The following AK5 variants were observed in gnomAD, a reference collection of about 807,000 sequenced individuals.
AK5 encodes adenylate kinase 5.
AK5 carries 27 observed loss-of-function variants against 69.5 expected under a neutral mutation model. That is an observed-to-expected ratio of 0.39 (90% confidence interval 0.29 to 0.54). The LOEUF (loss-of-function observed/expected upper bound fraction) is 0.54. AK5 is among the 20% of genes least tolerant of loss of function. The probability of loss-of-function intolerance (pLI) is 0.71; values close to 1 mark genes in which losing one functional copy is unlikely to be tolerated. For synonymous variants in AK5, 260 were observed against 244.4 expected (o/e 1.06, Z -0.60); for missense variants, 531 against 700.4 (o/e 0.76, Z 2.73).
chr1:77,550,950 G>A (rs940855276), intron 13 of AK5, among the ~76,000 whole-genome samples: 1 of 152,178 alleles, frequency 6.6e-6, no homozygotes, highest in African/African-American at 2.4e-5. Context: ...GCCAAGGCAG[G>A]CAGATCACCT....
chr1:77,469,967 T>C (rs867183018), intron 8 of AK5, among the ~76,000 whole-genome samples: 1 of 152,234 alleles, frequency 6.6e-6, no homozygotes, highest in African/African-American at 2.4e-5. Flanking sequence ...ACAGTTGTCA[T>C]TGATCTGCCA....
At chr1:77,370,783 G>A (rs1464484992) in intron 6 of AK5, among the ~76,000 whole-genome samples, 1 of 152,156 alleles carries the variant, frequency 6.6e-6, no homozygotes, top group East Asian at 1.9e-4. Flanking sequence ...AACCTGCCAA[G>A]CAGTGCCAGG....
intron 6 of AK5, among the ~76,000 whole-genome samples, chr1:77,351,214 C>T (rs373493099): frequency 3.3e-5 from 5 of 151,982 alleles, no homozygotes; most frequent in African/African-American, 7.2e-5. Flanking sequence ...GGCAACATGG[C>T]GAAACCCCAT....
At chr1:77,321,678 CCCT>C (rs912072503) in intron 5 of AK5, among the ~76,000 whole-genome samples, 9 of 152,070 alleles carry the variant, frequency 5.9e-5, no homozygotes, top group Non-Finnish European at 1.3e-4. Context: ...GAGTGCTGCC[CCCT>C]AATATTGGGA....
chr1:77,543,536 T>TTTTC (rs10673675), intron 13 of AK5, among the ~76,000 whole-genome samples: 1 of 151,276 alleles, frequency 6.6e-6, no homozygotes, highest in Non-Finnish European at 1.5e-5. Flanking sequence ...TATTTTTTTT[T>TTTTC]TATTGTTTGT....
At chr1:77,479,507 G>A (rs1232391282) in intron 8 of AK5, among the ~76,000 whole-genome samples, 1 of 152,056 alleles carries the variant, frequency 6.6e-6, no homozygotes, top group Non-Finnish European at 1.5e-5. Context: ...TACCCGGCCT[G>A]AAATTGTCTT....
At chr1:77,489,332 G>A (rs2100733776) in intron 10 of AK5, among the ~76,000 whole-genome samples, 1 of 152,142 alleles carries the variant, frequency 6.6e-6, no homozygotes, top group South Asian at 2.1e-4. Context: ...TAGTAAAAGA[G>A]ATTTCAGCTT....
chr1:77,507,852 A>G lies in AK5; in HGVS notation c.1148-10712A>G, dbSNP rs533891948. ...GCTAACCATCAGAATCACCTGGGGA[A>G]TTATCCTTTTTTATTATGAAAATAT... On this transcript the variant is annotated intron_variant, in intron 10 of 13. Coordinates refer to ENST00000354567, the MANE Select transcript of AK5 (RefSeq NM_174858.3). Among the ~76,000 whole-genome samples, 3 of 152,310 alleles carry G rather than the reference A, an allele frequency of 2.0e-5. No homozygotes were observed. In the South Asian group the frequency reaches 6.2e-4, roughly 32 times the overall value.
At chr1:77,486,806 G>A (rs953851149) in intron 10 of AK5, among the ~76,000 whole-genome samples, 11 of 152,110 alleles carry the variant, frequency 7.2e-5, no homozygotes, top group East Asian at 1.9e-4. Flanking sequence ...TTTCTTTCAC[G>A]TATGCAGTTG....
chr1:77,340,704 G>A (rs542211096), intron 6 of AK5, 136 bp downstream of exon 6: 4 of 578,056 alleles, frequency 6.9e-6, no homozygotes, highest in African/African-American at 5.7e-5. Flanking sequence ...GGAAAAAAAT[G>A]TATCATTTTG....
rs1186363347 is a variant in AK5 at position 77,518,755 on chromosome 1, C to T, written c.1311+28C>T. 3.1e-6 allele frequency: 5 copies of T among 1,608,646 alleles called. No homozygotes were observed. In the African/African-American group the frequency reaches 5.4e-5, roughly 17 times the overall value. On this transcript the variant is annotated intron_variant, in intron 11 of 13. Transcript: ENST00000354567. ...AAGCAACATGGCCTGACCCACATTA[C>T]TGCCTTTCCTGTCTGGGGAGACCTT...
At chr1:77,308,144 A>G (rs185145451) in intron 5 of AK5, among the ~76,000 whole-genome samples, 4 of 152,280 alleles carry the variant, frequency 2.6e-5, no homozygotes, top group African/African-American at 4.8e-5. Context: ...CAGAGCTGTT[A>G]TCATGGAAGA....
chr1:77,320,367 C>G (rs1660466279), intron 5 of AK5, among the ~76,000 whole-genome samples: 1 of 152,246 alleles, frequency 6.6e-6, no homozygotes, highest in East Asian at 1.9e-4. Context: ...ATGGGATTTT[C>G]ATTATGTGGG....
chr1:77,299,778 T>A (rs1314261064), intron 5 of AK5, among the ~76,000 whole-genome samples: 1 of 152,142 alleles, frequency 6.6e-6, no homozygotes, highest in Non-Finnish European at 1.5e-5. Context: ...CACCCAAACC[T>A]GGTTCTCCCA....
intron 7 of AK5, among the ~76,000 whole-genome samples, chr1:77,411,905 G>A (rs957569457): frequency 3.5e-4 from 54 of 152,134 alleles, no homozygotes; most frequent in African/African-American, 1.2e-3. Flanking sequence ...ACAGATAACC[G>A]ATGTAAACTC....
At chr1:77,495,862 C>A (rs987915643) in intron 10 of AK5, among the ~76,000 whole-genome samples, 2 of 152,112 alleles carry the variant, frequency 1.3e-5, no homozygotes, top group Non-Finnish European at 2.9e-5. Context: ...TGCTTAAACT[C>A]CCCACATGAT....
chr1:77,286,011 A>G (rs1658327459), intron 1 of AK5, among the ~76,000 whole-genome samples: 1 of 152,194 alleles, frequency 6.6e-6, no homozygotes, highest in African/African-American at 2.4e-5. Context: ...GTTTCAGTAT[A>G]AATGACAAGT....
chr1:77,308,837 C>T (rs943596450), intron 5 of AK5, among the ~76,000 whole-genome samples: 4 of 151,286 alleles, frequency 2.6e-5, no homozygotes, highest in Non-Finnish European at 5.9e-5. Context: ...GGTGTGATGA[C>T]GTGTGCCTAC....
chr1:77,284,654 T>C lies in AK5; in HGVS notation c.60+2281T>C, dbSNP rs147163484. The stretch of plus-strand genomic sequence containing the variant: ...AACCTTATGGTGTGTATATTGATCT[T>C]GTAGCTTACAGCAGAGATTTGGCAA... On this transcript the variant is annotated intron_variant, in intron 1 of 13. Coordinates refer to ENST00000354567, the MANE Select transcript of AK5 (RefSeq NM_174858.3). 5.3e-5 allele frequency among the ~76,000 whole-genome samples: 8 copies of C among 152,348 alleles called. No homozygotes were observed. In the East Asian group the frequency reaches 1.5e-3, roughly 29 times the overall value.
Sources: gnomAD v4.1 joint callset for allele counts (sites outside exome capture counted in the v4.1 genomes callset) on GRCh38, gnomAD v4.1.1 for gene constraint, MANE v1.5 for transcripts, NCBI Gene and HGNC (gene_info 2026-07-23, HGNC 2026-07-21) for gene names.